Variants in BRD1 observed in about 807,000 individuals in gnomAD.
The protein encoded by BRD1 is bromodomain containing 1, also known as bromodomain-containing protein 1.
BRD1 carries 24 observed loss-of-function variants against 107.7 expected under a neutral mutation model. That is an observed-to-expected ratio of 0.22 (90% CI 0.16 to 0.31). BRD1 has a LOEUF of 0.31. BRD1 is among the 10% of genes least tolerant of loss of function. The probability of loss-of-function intolerance (pLI) is 1.00; values close to 1 mark genes in which losing one functional copy is unlikely to be tolerated. For synonymous variants in BRD1, 744 were observed against 686.1 expected, an observed-to-expected ratio of 1.08 and a Z score of -1.32; for missense variants, 1,279 against 1,638.6, an observed-to-expected ratio of 0.78 and a Z score of 3.79.
intron 6 of BRD1, among the ~76,000 whole-genome samples, chr22:49,796,316 G>A (rs916729563): frequency 4.0e-5 from 6 of 150,516 alleles, no homozygotes; most frequent in Non-Finnish European, 4.4e-5. Flanking sequence ...GGATGGTCTC[G>A]ACCTCCTGAC....
Position 49,775,637 on chromosome 22 carries a change from C to T in BRD1, c.3340G>A (p.Asp1114Asn), listed in dbSNP as rs375027256. The T allele has an allele frequency of 3.3e-5, 53 of 1,613,212 alleles. No individual in the cohort carries two copies. The highest frequency in any genetic ancestry group is 4.3e-5 in the Non-Finnish European group (51 of 1,179,616). Residue 1114 changes from aspartate (D) to asparagine (N), a missense_variant, in exon 12 of 13, where the codon GAT becomes AAT. Asp to Asn is a conservative substitution (Grantham distance 23). Coordinates refer to ENST00000404760, the MANE Select transcript of BRD1 (RefSeq NM_001304808.3). ...AAGAGAACGAGGAACAGCTTCTCAT[C>T]AGACTTGGTCTGCATGTGCTCCCCA... ...KIGEHMQTKS[D>N]EKLFLVLFFD...
At position 49,798,192 on chromosome 22, in the gene BRD1, T is replaced by C. The variant is rs575660332; in HGVS notation, c.1786-75A>G. 3.4e-5 allele frequency: 47 copies of C among 1,401,010 alleles called. No homozygotes were observed. The East Asian group carries it at 8.7e-4, about 26-fold the overall frequency. 86.8% of individuals were successfully genotyped at this position (1,401,010 alleles called of 1,614,324 possible). On this transcript the variant is annotated intron_variant, in intron 5 of 12. Transcript: ENST00000404760. ...AGTTGACTCTATATTTATTATTCCATATAACCCACAAGCCCATCCTATCTG... is the reference window on the plus strand; with the variant it reads ...AGTTGACTCTATATTTATTATTCCACATAACCCACAAGCCCATCCTATCTG...
At chr22:49,799,267 G>T in intron 3 of BRD1, 148 bp from the exon 4 acceptor site, 1 of 1,012,814 alleles carries the variant, frequency 9.9e-7, no homozygotes, top group Non-Finnish European at 1.4e-6. Context: ...ACCCTCACTA[G>T]AGAGCCCCAG....
intron 2 of BRD1, among the ~76,000 whole-genome samples, chr22:49,816,183 T>G (rs2059947744): frequency 6.6e-6 from 1 of 151,998 alleles, no homozygotes; most frequent in South Asian, 2.1e-4. Context: ...AAAAAAGACT[T>G]AAAAACACAA....
At position 49,798,593 on chromosome 22, in the gene BRD1, C is replaced by T. The variant is rs759531800; in HGVS notation, c.1750G>A (p.Ala584Thr). 23 of 1,614,090 alleles carry T rather than the reference C, an allele frequency of 1.4e-5. No individual in the cohort carries two copies. Among genetic ancestry groups the T allele is most frequent in the Admixed American group, 6.7e-5 (4 of 60,008 alleles). The change falls in exon 5 of 13, where the codon GCC becomes ACC. Residue 584 changes from alanine (A) to threonine (T), a missense_variant. By Grantham distance (58) the Ala-to-Thr change is moderately conservative (BLOSUM62 0). Transcript: ENST00000404760. ...VLDQLQDKDP[A>T]RIFAQPVSLK... ...CTCACGGGCTGCGCAAATATCCTGGCGGGGTCCTTGTCTTGCAGCTGGTCC... is the reference window on the plus strand; with the variant it reads ...CTCACGGGCTGCGCAAATATCCTGGTGGGGTCCTTGTCTTGCAGCTGGTCC...
Position 49,824,145 on chromosome 22 carries a change from T to C in BRD1, c.173A>G (p.Glu58Gly). Residue 58 changes from glutamate (E) to glycine (G), a missense_variant, in exon 2 of 13, where the codon GAG (glutamate) becomes GGG (glycine). Transcript: ENST00000404760. The surrounding 1 kb of genome is among the most constrained non-coding windows in gnomAD (Gnocchi z 5.9). ...LHRISIFDPL[E>G]IILEDDLTAQ... ...AGTGAGGTCATCTTCCAATATGATCTCCAGGGGATCAAAAATACTGATCCT... is the reference window on the plus strand; with the variant it reads ...AGTGAGGTCATCTTCCAATATGATCCCCAGGGGATCAAAAATACTGATCCT... 6.2e-7 allele frequency: 1 copy of C among 1,614,024 alleles called. No homozygotes were observed. The highest frequency in any genetic ancestry group is 8.5e-7 in the Non-Finnish European group (1 of 1,180,048).
intron 7 of BRD1, among the ~76,000 whole-genome samples, chr22:49,791,268 G>A (rs758944142): frequency 9.2e-5 from 14 of 152,240 alleles, no homozygotes; most frequent in African/African-American, 2.4e-4. Flanking sequence ...CAGAGCCTGC[G>A]GGAGGGCCTG....
At chr22:49,800,662 C>G (rs893506636) in intron 3 of BRD1, among the ~76,000 whole-genome samples, 4 of 152,196 alleles carry the variant, frequency 2.6e-5, no homozygotes, top group Non-Finnish European at 4.4e-5. Flanking sequence ...GTGGCAGGGG[C>G]CCCGTTGACA....
intron 2 of BRD1, among the ~76,000 whole-genome samples, chr22:49,819,401 A>C (rs985986769): frequency 8.6e-5 from 13 of 151,790 alleles, no homozygotes; most frequent in African/African-American, 2.2e-4. Context: ...AAAAATAAAA[A>C]CATTAGCAGG....
chr22:49,807,228 A>G (rs2147234865), intron 2 of BRD1: 1 of 152,300 alleles, frequency 6.6e-6, no homozygotes, highest in South Asian at 2.1e-4. Context: ...GATCCAATGC[A>G]ATTCCTATCA....
At chr22:49,811,204 C>T (rs1053743090) in intron 2 of BRD1, among the ~76,000 whole-genome samples, 7 of 152,122 alleles carry the variant, frequency 4.6e-5, no homozygotes, top group Admixed American at 2.0e-4. Flanking sequence ...GGCAAATACA[C>T]GGAGACAGGA....
rs1044045513 is a variant in BRD1 at position 49,802,043 on chromosome 22, G to A, written c.1524+2161C>T. 4.3e-4 allele frequency among the ~76,000 whole-genome samples: 65 copies of A among 152,218 alleles called. 1 individual carries two copies. The highest frequency in any genetic ancestry group is 9.8e-4 in the Admixed American group (15 of 15,284). ...TCAACAGCTCCTCTGTGACTTACCT[G>A]GAGTTCTGTCCAGCCCCGAGATAAG... is the stretch of plus-strand genomic sequence containing the variant. On this transcript the variant is annotated intron_variant, in intron 3 of 12. Coordinates refer to ENST00000404760, the MANE Select transcript of BRD1 (RefSeq NM_001304808.3).
intron 2 of BRD1, chr22:49,818,152 A>C (rs2059990627): frequency 1.1e-6 from 1 of 926,944 alleles, no homozygotes; most frequent in Non-Finnish European, 1.3e-6. Context: ...GGAGCACCCT[A>C]TCAGGGTGAA....
At position 49,823,800 on chromosome 22, in the gene BRD1, C is replaced by T; in HGVS notation, c.518G>A (p.Arg173His). ...YAWLEIVNEK[R>H]KGDCVPAVSQ... Reference sequence around the variant, plus strand: ...CACGGCGGGGACGCAGTCGCCCTTGCGCTTCTCATTGACGATCTCCAGCCA... The same window carrying T: ...CACGGCGGGGACGCAGTCGCCCTTGTGCTTCTCATTGACGATCTCCAGCCA... Residue 173 changes from arginine to histidine, a missense_variant, in exon 2 of 13, where the codon CGC becomes CAC. Physicochemically the swap from Arg to His is conservative, Grantham distance 29. This residue lies in a region of BRD1 where 223 missense variants were observed against 263.5 expected (regional missense o/e 0.85). Transcript: ENST00000404760. The T allele has an allele frequency of 2.5e-6, 4 of 1,614,114 alleles. No individual in the cohort carries two copies. Among genetic ancestry groups the T allele is most frequent in the Non-Finnish European group, 3.4e-6 (4 of 1,180,038 alleles).
At chr22:49,790,325 T>G (rs557610070) in intron 7 of BRD1, among the ~76,000 whole-genome samples, 1 of 152,106 alleles carries the variant, frequency 6.6e-6, no homozygotes, top group Non-Finnish European at 1.5e-5. Context: ...TGACTGGAAG[T>G]TGACATACAA....
At chr22:49,774,616 C>G (rs138822) in intron 12 of BRD1, among the ~76,000 whole-genome samples, 200 bp from the exon 13 acceptor site, 12,365 of 152,148 alleles carry the variant, frequency 0.081, 661 homozygotes, top group Non-Finnish European at 0.11. Flanking sequence ...CTTGGGGATA[C>G]GGGGAGCTAA....
Position 49,774,076 on chromosome 22 carries a change from G to C in BRD1, c.*157C>G. ...ACTCACAGCGCCCAGACGGAGATGG[G>C]TTCCTAGAAAACTTGGAAATAAAAC... On this transcript the variant is annotated 3_prime_UTR_variant, in exon 13 of 13. Transcript: ENST00000404760. 1 of 1,066,486 alleles carries C rather than the reference G, an allele frequency of 9.4e-7. No homozygotes were observed. Among genetic ancestry groups the C allele is most frequent in the Non-Finnish European group, 1.3e-6 (1 of 764,296 alleles). 66.1% of individuals were successfully genotyped at this position (1,066,486 alleles called of 1,614,324 possible). A position where few individuals can be genotyped will look rare whatever the true frequency, so the allele number is the denominator to read the frequency against.
intron 2 of BRD1, among the ~76,000 whole-genome samples, chr22:49,809,569 G>A (rs1298468186): frequency 3.3e-5 from 5 of 151,050 alleles, no homozygotes; most frequent in African/African-American, 4.9e-5. Flanking sequence ...ATATATATAT[G>A]TAATTCCAGT....
chr22:49,780,900 C>T (rs2059193967), intron 8 of BRD1, among the ~76,000 whole-genome samples: 1 of 152,216 alleles, frequency 6.6e-6, no homozygotes, highest in Admixed American at 6.5e-5. Context: ...GAGATGGGTG[C>T]CCGGTCCATG....
Sources: allele counts gnomAD v4.1 joint callset (sites outside exome capture counted in the v4.1 genomes callset), GRCh38; gene constraint gnomAD v4.1.1; regional missense constraint gnomAD v4.1.1; non-coding constraint Gnocchi (gnomAD v3.1); transcripts MANE v1.5; gene names NCBI Gene and HGNC (gene_info 2026-07-23, HGNC 2026-07-21).